EPC1: variants seen among roughly 807,000 people sequenced by gnomAD.
The protein encoded by EPC1 is enhancer of polycomb 1, also known as enhancer of polycomb homolog 1.
EPC1 carries 12 observed loss-of-function variants against 98.4 expected under a neutral mutation model. The ratio of observed to expected loss-of-function variants is 0.12; its 90% confidence interval spans 0.08 to 0.20. The LOEUF (loss-of-function observed/expected upper bound fraction) is 0.20, where lower values mean the gene tolerates loss of function less well. Among genes scored for constraint, EPC1 ranks in the 10% least tolerant of loss-of-function variants. The pLI is 1.00. For missense variants in EPC1, 729 were observed against 990.5 expected (o/e 0.74, Z 3.54); for synonymous variants, 357 against 363.9 (o/e 0.98, Z 0.21).
chr10:32,311,312 CAA>C (rs56251205), intron 1 of EPC1, among the ~76,000 whole-genome samples: 32,382 of 143,840 alleles, frequency 0.23, 3,827 homozygotes, highest in African/African-American at 0.34. Flanking sequence ...GACTCCGTCT[CAA>C]AAAAAAAAAA....
At chr10:32,308,689 A>AT (rs1836018717) in intron 1 of EPC1, among the ~76,000 whole-genome samples, 1 of 152,196 alleles carries the variant, frequency 6.6e-6, no homozygotes, top group African/African-American at 2.4e-5. Flanking sequence ...GTGAGAATGT[A>AT]AATTAGTACA....
chr10:32,292,437 C>A (rs1471720797), intron 5 of EPC1, 59 bp downstream of exon 5: 6 of 1,233,748 alleles, frequency 4.9e-6, no homozygotes, highest in East Asian at 2.6e-5. Context: ...TAAATTAACT[C>A]AATATACAAA....
intron 1 of EPC1, among the ~76,000 whole-genome samples, chr10:32,306,865 C>T (rs893524610): frequency 1.3e-5 from 2 of 151,572 alleles, no homozygotes; most frequent in Non-Finnish European, 2.9e-5. Context: ...CAAACACACA[C>T]ACACACACAC....
intron 10 of EPC1, among the ~76,000 whole-genome samples, chr10:32,273,552 A>C (rs1426184919): frequency 1.3e-5 from 2 of 151,664 alleles, no homozygotes; most frequent in Non-Finnish European, 2.9e-5. Flanking sequence ...TTTCAACACC[A>C]CTATTTTTTT....
chr10:32,347,346 GGGGGC>G (rs1838918810), upstream of EPC1: 1 of 326,656 alleles, frequency 3.1e-6, no homozygotes, highest in African/African-American at 2.2e-5. Flanking sequence ...TCGCGGGTCC[GGGGGC>G]GGACAGGGCG....
chr10:32,374,527 CATCTATTTGGGTT>C (rs1455717380), intron 1 of EPC1: 1 of 152,132 alleles, frequency 6.6e-6, no homozygotes, highest in East Asian at 1.9e-4. Context: ...CCATCTGTAG[CATCTATTTGGGTT>C]ATATCTAAAG....
At chr10:32,364,004 T>TTTC (rs1839522208) in intron 1 of EPC1, among the ~76,000 whole-genome samples, 1 of 102,312 alleles carries the variant, frequency 9.8e-6, no homozygotes, top group Non-Finnish European at 1.9e-5. Flanking sequence ...ATGTTGGCAT[T>TTTC]TTTTTTTTTT....
At chr10:32,272,361 G>A (rs1835890117) in intron 11 of EPC1, 194 bp from the exon 12 acceptor site, 1 of 501,712 alleles carries the variant, frequency 2.0e-6, no homozygotes, top group South Asian at 3.8e-5. Flanking sequence ...TAAGTGAAAA[G>A]TAATCTAAGT....
upstream of EPC1, among the ~76,000 whole-genome samples, chr10:32,351,342 A>G (rs955389122): frequency 1.4e-4 from 22 of 152,182 alleles, no homozygotes; most frequent in African/African-American, 5.1e-4. Flanking sequence ...TCTAGCTAGC[A>G]GTCTCATCAC....
At chr10:32,312,473 T>C (rs1266283040) in intron 1 of EPC1, among the ~76,000 whole-genome samples, 4 of 152,212 alleles carry the variant, frequency 2.6e-5, no homozygotes, top group African/African-American at 9.6e-5. Flanking sequence ...TATAGATATA[T>C]ATCTCAATCA....
intron 10 of EPC1, among the ~76,000 whole-genome samples, chr10:32,278,934 T>C (rs1211197374): frequency 6.6e-6 from 1 of 152,206 alleles, no homozygotes; most frequent in East Asian, 1.9e-4. Context: ...AGTCAAATAT[T>C]CCTCTTAGTG....
chr10:32,303,363 C>T (rs891551598), intron 2 of EPC1, among the ~76,000 whole-genome samples: 28 of 152,166 alleles, frequency 1.8e-4, no homozygotes, highest in African/African-American at 6.8e-4. Flanking sequence ...CATGAATATT[C>T]ATAGCAGCTC....
chr10:32,336,000 G>A (rs141492020), intron 1 of EPC1, among the ~76,000 whole-genome samples: 24 of 151,728 alleles, frequency 1.6e-4, no homozygotes, highest in African/African-American at 3.6e-4. Flanking sequence ...ATCAGCTCCC[G>A]GATGTCTTCT....
intron 1 of EPC1, among the ~76,000 whole-genome samples, chr10:32,324,882 A>C (rs987559587): frequency 6.6e-6 from 1 of 152,010 alleles, no homozygotes; most frequent in Non-Finnish European, 1.5e-5. Flanking sequence ...AGTCCCAGCC[A>C]CTTGCGAGGC....
Position 32,293,100 on chromosome 10 carries a change from C to G in EPC1, c.554G>C (p.Cys185Ser), listed in dbSNP as rs755938233. The G allele has an allele frequency of 3.7e-6, 6 of 1,613,214 alleles. No homozygotes were observed. The Admixed American group carries it at 1.0e-4, about 27-fold the overall frequency. The stretch of plus-strand genomic sequence containing the variant: ...TGATGGAATAAGAGATGGCCCTCGA[C>G]AGTTTTTTCTCTTTTTAATCCAATA... ...YEYWIKKRKN[C>S]RGPSLIPSVK... The change falls in exon 4 of 14, where the codon TGT becomes TCT. Residue 185 changes from cysteine (C) to serine (S), a missense_variant. By Grantham distance (112) the Cys-to-Ser change is moderately radical (BLOSUM62 -1). Coordinates refer to ENST00000319778, the MANE Select transcript of EPC1 (RefSeq NM_001272004.3).
intron 10 of EPC1, among the ~76,000 whole-genome samples, chr10:32,278,661 C>T (rs1836237315): frequency 6.6e-6 from 1 of 152,084 alleles, no homozygotes; most frequent in Non-Finnish European, 1.5e-5. Flanking sequence ...CCCCAAATGC[C>T]TAAAGACCCT....
chr10:32,308,151 G>C (rs1835983460), intron 1 of EPC1, among the ~76,000 whole-genome samples: 1 of 152,078 alleles, frequency 6.6e-6, no homozygotes, highest in Admixed American at 6.6e-5. Flanking sequence ...CTTTTGGGAG[G>C]CTTAAACTCC....
intron 1 of EPC1, among the ~76,000 whole-genome samples, chr10:32,354,315 A>G (rs781043264): frequency 6.6e-5 from 10 of 152,092 alleles, no homozygotes; most frequent in Non-Finnish European, 1.2e-4. Flanking sequence ...TTAGCTGGGC[A>G]TGGTGGTGGG....
intron 1 of EPC1, among the ~76,000 whole-genome samples, chr10:32,330,342 T>C: frequency 6.6e-6 from 1 of 152,220 alleles, no homozygotes; most frequent in East Asian, 1.9e-4. Flanking sequence ...GTCTACACCT[T>C]CATCCTAGTT....
Sources: allele counts gnomAD v4.1 joint callset (sites outside exome capture counted in the v4.1 genomes callset), GRCh38; gene constraint gnomAD v4.1.1; transcripts MANE v1.5; gene names NCBI Gene and HGNC (gene_info 2026-07-23, HGNC 2026-07-21).